MACROD2: variants seen among roughly 807,000 people sequenced by gnomAD.
The protein encoded by MACROD2 is mono-ADP ribosylhydrolase 2.
MACROD2 carries 36 observed loss-of-function variants against 70.4 expected under a neutral mutation model. The observed-to-expected ratio is 0.51, with a 90% CI of 0.39 to 0.68. The LOEUF (loss-of-function observed/expected upper bound fraction) is 0.68. Ranked by LOEUF, MACROD2 falls within the 30% of genes least tolerant of loss-of-function variation. MACROD2 has a pLI of 0.00. For synonymous variants in MACROD2, 172 were observed against 178.8 expected (o/e 0.96, Z 0.30); for missense variants, 496 against 538.4 (o/e 0.92, Z 0.78).
intron 8 of MACROD2, among the ~76,000 whole-genome samples, chr20:15,710,084 T>A (rs1438245378): frequency 2.0e-5 from 3 of 149,880 alleles, no homozygotes; most frequent in Non-Finnish European, 4.4e-5. Flanking sequence ...ACAGAAATGG[T>A]CAAGAAATAT....
At chr20:15,998,823 C>G (rs368304843) in intron 15 of MACROD2, among the ~76,000 whole-genome samples, 9 of 152,188 alleles carry the variant, frequency 5.9e-5, no homozygotes, top group East Asian at 3.9e-4. Context: ...CTCGGCCTCC[C>G]AAAGTGCTGG....
At chr20:15,375,981 A>C (rs953270231) in intron 6 of MACROD2, among the ~76,000 whole-genome samples, 1 of 152,142 alleles carries the variant, frequency 6.6e-6, no homozygotes, top group Admixed American at 6.5e-5. Flanking sequence ...TGTTCATCTC[A>C]AGGCTATCTC....
At chr20:15,938,038 G>C (rs1010376673) in intron 12 of MACROD2, among the ~76,000 whole-genome samples, 5 of 149,246 alleles carry the variant, frequency 3.4e-5, no homozygotes, top group African/African-American at 1.2e-4. Flanking sequence ...GTTACTATGA[G>C]AAAATGTTTC....
At chr20:15,567,492 T>C (rs1040818309) in intron 8 of MACROD2, among the ~76,000 whole-genome samples, 2 of 152,208 alleles carry the variant, frequency 1.3e-5, no homozygotes, top group Non-Finnish European at 2.9e-5. Flanking sequence ...CAGATTATCA[T>C]AGTATATAAA....
At chr20:15,199,077 A>T (rs1220057374) in intron 5 of MACROD2, among the ~76,000 whole-genome samples, 3 of 149,358 alleles carry the variant, frequency 2.0e-5, no homozygotes, top group Non-Finnish European at 4.4e-5. Context: ...TGTAACATTA[A>T]TCTGCACTGT....
At chr20:15,913,892 G>A (rs1220892701) in intron 10 of MACROD2, among the ~76,000 whole-genome samples, 1 of 152,158 alleles carries the variant, frequency 6.6e-6, no homozygotes, top group African/African-American at 2.4e-5. Context: ...TTTGTGGGTG[G>A]CCAAGTGAAT....
At chr20:14,212,278 A>G (rs1442395973) in intron 3 of MACROD2, among the ~76,000 whole-genome samples, 2 of 152,184 alleles carry the variant, frequency 1.3e-5, no homozygotes, top group Non-Finnish European at 2.9e-5. Context: ...GAAAAATGTC[A>G]TTGAGCTACC....
At chr20:15,562,729 G>T (rs961208472) in intron 8 of MACROD2, among the ~76,000 whole-genome samples, 4 of 152,226 alleles carry the variant, frequency 2.6e-5, no homozygotes, top group African/African-American at 9.6e-5. Flanking sequence ...TAAGGCTGAA[G>T]TCCAATTGAC....
intron 4 of MACROD2, among the ~76,000 whole-genome samples, chr20:14,565,636 T>A (rs1190733469): frequency 6.6e-6 from 1 of 151,956 alleles, no homozygotes. Context: ...ACAATAATAT[T>A]TTTAAACAGT....
chr20:14,787,754 G>C (rs1201273407), intron 5 of MACROD2, among the ~76,000 whole-genome samples: 1 of 152,042 alleles, frequency 6.6e-6, no homozygotes, highest in African/African-American at 2.4e-5. Context: ...AGGGAAGAGG[G>C]AGCAGAATTA....
chr20:15,577,121 T>A (rs1047542450), intron 8 of MACROD2, among the ~76,000 whole-genome samples: 3 of 152,116 alleles, frequency 2.0e-5, no homozygotes, highest in Admixed American at 6.6e-5. Context: ...GAGAAAAGCA[T>A]GAAAATACAA....
chr20:15,083,006 GC>G (rs1454368843), intron 5 of MACROD2, among the ~76,000 whole-genome samples: 3 of 152,162 alleles, frequency 2.0e-5, no homozygotes, highest in Admixed American at 2.0e-4. Context: ...CTTATTATCA[GC>G]CTTTTCTGGG....
In MACROD2 at chr20:16,050,061, A is replaced by G. The variant is rs950867343; in HGVS notation, c.*185A>G. 2 of 541,618 alleles carry G rather than the reference A, an allele frequency of 3.7e-6. No homozygotes were observed. Among genetic ancestry groups the G allele is most frequent in the Admixed American group, 3.6e-5 (1 of 27,908 alleles). 33.6% of individuals were successfully genotyped at this position (541,618 alleles called of 1,614,324 possible). A position where few individuals can be genotyped will look rare whatever the true frequency, so the allele number is the denominator to read the frequency against. On this transcript the variant is annotated 3_prime_UTR_variant, in exon 18 of 18. Transcript: ENST00000684519. ...CTGCAGAAAAAGAAAGAAAAAAAAG[A>G]AAAAAAAAGTTTCCTTTAATTTGGT... is the stretch of plus-strand genomic sequence containing the variant.
intron 15 of MACROD2, among the ~76,000 whole-genome samples, chr20:15,991,854 CTGTTTGGGTTTT>C (rs2066563305): frequency 6.6e-6 from 1 of 152,072 alleles, no homozygotes; most frequent in Non-Finnish European, 1.5e-5. Context: ...ATGCTGGTCT[CTGTTTGGGTTTT>C]ATGAATATTT....
chr20:14,671,710 C>CAAG (rs1358779128), intron 4 of MACROD2, among the ~76,000 whole-genome samples: 1 of 152,192 alleles, frequency 6.6e-6, no homozygotes, highest in East Asian at 1.9e-4. Context: ...AATTGACCAA[C>CAAG]AAGATGAGGA....
chr20:15,027,875 T>C (rs74475597), intron 5 of MACROD2, among the ~76,000 whole-genome samples: 17,217 of 152,208 alleles, frequency 0.11, 1,307 homozygotes, highest in Non-Finnish European at 0.16. Context: ...GTGTGTTGTC[T>C]GCCTGCCTTG....
chr20:15,302,357 A>G (rs1568706056), intron 6 of MACROD2, among the ~76,000 whole-genome samples: 1 of 86,314 alleles, frequency 1.2e-5, no homozygotes, highest in Non-Finnish European at 2.4e-5. Context: ...CTGGGCAGAT[A>G]AAATACACAC....
intron 4 of MACROD2, among the ~76,000 whole-genome samples, chr20:14,670,173 A>G (rs1187787498): frequency 1.3e-5 from 2 of 152,128 alleles, no homozygotes; most frequent in Non-Finnish European, 2.9e-5. Flanking sequence ...CAGCTAGTAT[A>G]TCCTTTGCCT....
At chr20:15,775,314 A>C (rs1031986966) in intron 8 of MACROD2, among the ~76,000 whole-genome samples, 2 of 152,006 alleles carry the variant, frequency 1.3e-5, no homozygotes, top group Admixed American at 6.6e-5. Flanking sequence ...AGGTCGCAAA[A>C]ACTCTTACTG....
Sources: gnomAD v4.1 joint callset for allele counts (sites outside exome capture counted in the v4.1 genomes callset) on GRCh38, gnomAD v4.1.1 for gene constraint, MANE v1.5 for transcripts, NCBI Gene and HGNC (gene_info 2026-07-23, HGNC 2026-07-21) for gene names.